Variants in MYT1L observed in about 807,000 individuals in gnomAD.
MYT1L encodes myelin transcription factor 1 like, also known as myelin transcription factor 1-like protein.
Under a neutral mutation model 126.7 loss-of-function variants are expected in MYT1L, and 12 were observed. The ratio of observed to expected loss-of-function variants is 0.09; its 90% confidence interval spans 0.06 to 0.15. MYT1L has a LOEUF of 0.15. Ranked by LOEUF, MYT1L falls within the 10% of genes least tolerant of loss-of-function variation. MYT1L has a pLI of 1.00. For missense variants in MYT1L, 979 were observed against 1,585.2 expected, an observed-to-expected ratio of 0.62 and a Z score of 6.49; for synonymous variants, 541 against 604.2, an observed-to-expected ratio of 0.90 and a Z score of 1.53.
rs1322045282 is a variant in MYT1L at position 2,312,055 on chromosome 2, A to C, written c.-521+18912T>G. ...GATTTGTGGGTGACAGTGAAGAGAG[A>C]CTGCAGCTGTAGACTTTACACAGCA... On this transcript the variant is annotated intron_variant, in intron 1 of 24. Transcript: ENST00000647738. Among the ~76,000 whole-genome samples, 6 of 152,252 alleles carry C rather than the reference A, an allele frequency of 3.9e-5. No homozygotes were observed. The South Asian group carries it at 1.2e-3, about 32-fold the overall frequency.
At position 2,165,337 on chromosome 2, in the gene MYT1L, TAC is replaced by T. The variant is rs141908315; in HGVS notation, c.-304+7533_-304+7534del. Among the ~76,000 whole-genome samples, 134 of 148,238 alleles carry T rather than the reference TAC, an allele frequency of 9.0e-4. 2 individuals carry two copies. The highest frequency in any genetic ancestry group is 2.5e-3 in the African/African-American group (102 of 40,546). ...ACACATACACACATACACATGCACA[TAC>T]ACACACACACACACGTGCACACAGG... On this transcript the variant is annotated intron_variant, in intron 3 of 24. Coordinates refer to ENST00000647738, the MANE Select transcript of MYT1L (RefSeq NM_001303052.2).
chr2:2,014,365 TG>T (rs1443179538), intron 4 of MYT1L, among the ~76,000 whole-genome samples: 3 of 152,164 alleles, frequency 2.0e-5, no homozygotes, highest in African/African-American at 7.2e-5. Context: ...ACAGCAGCCC[TG>T]TGCTCCAGCA....
chr2:2,083,230 T>TA (rs1362559259), intron 3 of MYT1L, among the ~76,000 whole-genome samples: 3 of 152,230 alleles, frequency 2.0e-5, no homozygotes, highest in African/African-American at 7.2e-5. Flanking sequence ...CTCAACCCTT[T>TA]ACGCCTGTGC....
intron 2 of MYT1L, among the ~76,000 whole-genome samples, chr2:2,200,534 C>T (rs1221119004): frequency 6.6e-6 from 1 of 152,196 alleles, no homozygotes; most frequent in African/African-American, 2.4e-5. Context: ...TCCAGAATAA[C>T]CTTTCTATCT....
chr2:2,047,067 A>T (rs2068271695), intron 4 of MYT1L, among the ~76,000 whole-genome samples: 1 of 152,210 alleles, frequency 6.6e-6, no homozygotes, highest in African/African-American at 2.4e-5. Flanking sequence ...CACTACGTTT[A>T]CCCATTTATG....
intron 2 of MYT1L, among the ~76,000 whole-genome samples, chr2:2,229,429 A>G (rs1451443240): frequency 6.6e-6 from 1 of 151,950 alleles, no homozygotes; most frequent in Non-Finnish European, 1.5e-5. Context: ...ATAGTCTCAT[A>G]GGATTTCTTT....
chr2:1,918,738 C>A (rs1030179578), intron 10 of MYT1L, among the ~76,000 whole-genome samples: 2 of 152,132 alleles, frequency 1.3e-5, no homozygotes, highest in Non-Finnish European at 2.9e-5. Context: ...AGGGAAATAC[C>A]ATTTGTACAA....
chr2:1,952,177 G>A (rs2057814476), intron 8 of MYT1L, among the ~76,000 whole-genome samples: 2 of 152,142 alleles, frequency 1.3e-5, no homozygotes, highest in African/African-American at 4.8e-5. Context: ...ATGTTTACTT[G>A]AACCTCTTAG....
chr2:2,278,251 C>T (rs976436997), intron 2 of MYT1L, among the ~76,000 whole-genome samples: 6 of 152,110 alleles, frequency 3.9e-5, no homozygotes, highest in African/African-American at 1.4e-4. Flanking sequence ...CCAAGAGGTC[C>T]AGGCTACTAT....
intron 3 of MYT1L, among the ~76,000 whole-genome samples, chr2:2,092,752 T>C (rs1376351185): frequency 1.3e-5 from 2 of 152,224 alleles, no homozygotes; most frequent in Non-Finnish European, 2.9e-5. Context: ...CTAGCCTCCT[T>C]GCACTTAGAA....
intron 3 of MYT1L, among the ~76,000 whole-genome samples, chr2:2,093,063 A>T (rs1015927502): frequency 2.0e-5 from 3 of 152,256 alleles, no homozygotes; most frequent in Non-Finnish European, 4.4e-5. Context: ...ATCTGTAAAT[A>T]CAGAGGATGA....
chr2:1,903,227 T>C lies in MYT1L; in HGVS notation c.1885A>G (p.Thr629Ala). The C allele has an allele frequency of 6.2e-7, 1 of 1,613,982 alleles. No homozygotes were observed. Among genetic ancestry groups the C allele is most frequent in the Non-Finnish European group, 8.5e-7 (1 of 1,179,884 alleles). Residue 629 changes from threonine to alanine, a missense_variant, in exon 14 of 25, where the codon ACG (threonine) becomes GCG (alanine). Physicochemically the swap from Thr to Ala is moderately conservative, Grantham distance 58 (BLOSUM62 0). Transcript: ENST00000647738. The part of the protein sequence containing the change: ...YGYRNNVPTT[T>A]PRSNLAKELE... ...TCCTTGGCCAGGTTGGAACGCGGCG[T>C]AGTTGTGGGGACATTGTTTCTGTAG...
intron 9 of MYT1L, among the ~76,000 whole-genome samples, chr2:1,926,574 G>GT (rs2054258542): frequency 2.0e-5 from 3 of 152,134 alleles, no homozygotes; most frequent in Admixed American, 2.0e-4. Flanking sequence ...TTTTGTTTTT[G>GT]TTTTTTGAGA....
At chr2:2,305,939 C>A (rs1573401803) in intron 1 of MYT1L, 1 of 152,304 alleles carries the variant, frequency 6.6e-6, no homozygotes, top group African/African-American at 2.4e-5. Context: ...TATTACATAC[C>A]AAATGGCTGC....
chr2:2,177,581 C>T (rs1463364025), intron 2 of MYT1L, among the ~76,000 whole-genome samples: 1 of 152,150 alleles, frequency 6.6e-6, no homozygotes, highest in Non-Finnish European at 1.5e-5. Context: ...TTAAATGACT[C>T]ACAGCTCCAC....
chr2:1,965,251 A>G (rs2059255962), intron 8 of MYT1L, among the ~76,000 whole-genome samples: 1 of 141,330 alleles, frequency 7.1e-6, no homozygotes, highest in South Asian at 2.3e-4. Flanking sequence ...ACTTGCAGGG[A>G]CCAGGCAGGG....
At chr2:2,149,116 C>A (rs186418813) in intron 3 of MYT1L, among the ~76,000 whole-genome samples, 2 of 152,154 alleles carry the variant, frequency 1.3e-5, no homozygotes, top group Admixed American at 1.3e-4. Context: ...TCCTTATTTT[C>A]TTCCTTCCTT....
intron 4 of MYT1L, among the ~76,000 whole-genome samples, chr2:2,011,959 C>T (rs541003210): frequency 6.6e-4 from 100 of 152,306 alleles, no homozygotes; most frequent in African/African-American, 2.3e-3. Context: ...CCAAGGGAAT[C>T]AGAACATGCC....
intron 18 of MYT1L, 28 bp downstream of exon 18, chr2:1,886,511 A>C: frequency 2.6e-6 from 4 of 1,514,494 alleles, no homozygotes; most frequent in Non-Finnish European, 3.6e-6. Flanking sequence ...TGGATTTTTA[A>C]AAGAGAATTA....
Sources: gnomAD v4.1 joint callset for allele counts (sites outside exome capture counted in the v4.1 genomes callset) on GRCh38, gnomAD v4.1.1 for gene constraint, MANE v1.5 for transcripts, NCBI Gene and HGNC (gene_info 2026-07-23, HGNC 2026-07-21) for gene names.